LDLRAD4: variants seen among roughly 807,000 people sequenced by gnomAD.
LDLRAD4 encodes low density lipoprotein receptor class A domain containing 4, also known as low-density lipoprotein receptor class A domain-containing protein 4.
Under a neutral mutation model 17.0 loss-of-function variants are expected in LDLRAD4, and 5 were observed. The ratio of observed to expected loss-of-function variants is 0.29; its 90% confidence interval spans 0.15 to 0.62. LDLRAD4 has a LOEUF of 0.62. Among genes scored for constraint, LDLRAD4 ranks in the 20% least tolerant of loss-of-function variants. The pLI is 0.84. For synonymous variants in LDLRAD4, 168 were observed against 171.8 expected (o/e 0.98, Z 0.17); for missense variants, 340 against 424.7 (o/e 0.80, Z 1.75).
chr18:13,289,008 C>G (rs2045813496), intron 1 of LDLRAD4, among the ~76,000 whole-genome samples: 1 of 152,214 alleles, frequency 6.6e-6, no homozygotes, highest in South Asian at 2.1e-4. Flanking sequence ...ATCCAAGCCC[C>G]AAGCCTTCAG....
intron 2 of LDLRAD4, among the ~76,000 whole-genome samples, chr18:13,397,219 C>T (rs1412248327): frequency 6.6e-6 from 1 of 152,156 alleles, no homozygotes; most frequent in Non-Finnish European, 1.5e-5. Flanking sequence ...TCTCAGCTCA[C>T]TGCAAGCTCC....
At chr18:13,227,616 A>C (rs1242255328) in intron 1 of LDLRAD4, among the ~76,000 whole-genome samples, 1 of 152,186 alleles carries the variant, frequency 6.6e-6, no homozygotes, top group East Asian at 1.9e-4. Context: ...TTTATAAAGG[A>C]AAGAGGTTTA....
intron 1 of LDLRAD4, among the ~76,000 whole-genome samples, chr18:13,283,213 T>C (rs2045391712): frequency 6.6e-6 from 1 of 152,226 alleles, no homozygotes; most frequent in Non-Finnish European, 1.5e-5. Context: ...TCTTGGAGAT[T>C]AACATTAGGC....
Position 13,440,774 on chromosome 18 carries a change from G to A in LDLRAD4, c.181+2390G>A, listed in dbSNP as rs1183655714. On this transcript the variant is annotated intron_variant, in intron 3 of 5. Transcript: ENST00000359446. This position sits in a 1 kb window ranked among gnomAD's most constrained non-coding sequence, Gnocchi z 4.4. ...TGCAGTTGCCATCTCCACTCCCCAC[G>A]TGGCCCTTCCTGGGGAGTGCACTGC... Among the ~76,000 whole-genome samples the A allele has an allele frequency of 3.3e-5, 5 of 152,178 alleles. No homozygotes were observed. The highest frequency in any genetic ancestry group is 2.0e-4 in the Admixed American group (3 of 15,282).
intron 2 of LDLRAD4, among the ~76,000 whole-genome samples, chr18:13,388,832 G>A (rs1425052124): frequency 1.5e-4 from 23 of 152,222 alleles, no homozygotes; most frequent in Non-Finnish European, 1.2e-4. Flanking sequence ...GCTTCCGTGC[G>A]CACCTGCAGG....
chr18:13,277,216 G>C (rs189589823), upstream of LDLRAD4, among the ~76,000 whole-genome samples: 57 of 152,256 alleles, frequency 3.7e-4, no homozygotes, highest in African/African-American at 1.3e-3. Flanking sequence ...TTTGGGGTAC[G>C]AGCCTCCTGG....
chr18:13,238,622 G>A (rs28562780), intron 1 of LDLRAD4, among the ~76,000 whole-genome samples: 21 of 152,318 alleles, frequency 1.4e-4, no homozygotes, highest in African/African-American at 5.1e-4. Flanking sequence ...AGAGGGCGTG[G>A]ACTGCAGAGT....
At chr18:13,515,981 T>C (rs1300667919) in intron 3 of LDLRAD4, 4 of 152,030 alleles carry the variant, frequency 2.6e-5, no homozygotes, top group African/African-American at 7.3e-5. Context: ...CTTGGCTAAT[T>C]AAAAATTTTT....
chr18:13,421,925 C>CT (rs2089499849), intron 2 of LDLRAD4, among the ~76,000 whole-genome samples: 1 of 152,240 alleles, frequency 6.6e-6, no homozygotes, highest in South Asian at 2.1e-4. Context: ...CGTGCCTATG[C>CT]TGCAGTCACT....
intron 3 of LDLRAD4, among the ~76,000 whole-genome samples, chr18:13,498,791 C>G (rs1039790927): frequency 6.9e-6 from 1 of 145,254 alleles, no homozygotes; most frequent in Non-Finnish European, 1.5e-5. Context: ...ATCCTTCTCC[C>G]CACACACGTC....
intron 1 of LDLRAD4, among the ~76,000 whole-genome samples, chr18:13,266,297 C>T (rs2044212369): frequency 6.6e-6 from 1 of 152,198 alleles, no homozygotes; most frequent in South Asian, 2.1e-4. Flanking sequence ...GCCCTCCAGC[C>T]CTGCATTCAC....
At chr18:13,593,629 G>T (rs1283035111) in intron 3 of LDLRAD4, among the ~76,000 whole-genome samples, 3 of 152,078 alleles carry the variant, frequency 2.0e-5, no homozygotes, top group African/African-American at 4.8e-5. Flanking sequence ...TGTCTATCTA[G>T]CTAGCTAGCT....
chr18:13,484,054 C>T (rs2093160588), intron 3 of LDLRAD4: 2 of 152,312 alleles, frequency 1.3e-5, no homozygotes, highest in Non-Finnish European at 2.9e-5. Flanking sequence ...GCAAAAGCCC[C>T]TTGCCATCCC....
At chr18:13,369,848 C>T (rs916596350) in intron 1 of LDLRAD4, among the ~76,000 whole-genome samples, 12 of 152,200 alleles carry the variant, frequency 7.9e-5, no homozygotes, top group African/African-American at 2.9e-4. Flanking sequence ...ACAGATGCCT[C>T]CTCCCATGCC....
At chr18:13,267,158 G>A (rs1256370345) in intron 1 of LDLRAD4, among the ~76,000 whole-genome samples, 1 of 152,154 alleles carries the variant, frequency 6.6e-6, no homozygotes, top group Non-Finnish European at 1.5e-5. Flanking sequence ...CACTTGTAAG[G>A]GCCAAATAAT....
chr18:13,634,566 A>C (rs1474058056), intron 4 of LDLRAD4, among the ~76,000 whole-genome samples: 1 of 152,226 alleles, frequency 6.6e-6, no homozygotes, highest in Non-Finnish European at 1.5e-5. Flanking sequence ...GAAATGGAAG[A>C]AAATACAAAT....
chr18:13,230,286 A>T (rs1418083978), intron 1 of LDLRAD4, among the ~76,000 whole-genome samples: 2 of 152,150 alleles, frequency 1.3e-5, no homozygotes, highest in Admixed American at 1.3e-4. Context: ...AAATGACCCC[A>T]TTGAAGGTAT....
chr18:13,455,340 A>G (rs1290307164), intron 3 of LDLRAD4, among the ~76,000 whole-genome samples: 1 of 152,260 alleles, frequency 6.6e-6, no homozygotes, highest in East Asian at 1.9e-4. Flanking sequence ...TTAAATGTTG[A>G]CAAAACGTGA....
Position 13,223,311 on chromosome 18 carries a change from G to T in LDLRAD4, c.-467+4323G>T, listed in dbSNP as rs75175085. On this transcript the variant is annotated intron_variant, in intron 1 of 5. Coordinates refer to the LDLRAD4 transcript ENST00000399848. ...TCCTGAAAGTAGGCCTTGAGAGAAAGAAATTCTTCCCACTCACACTGGCTA... is the reference window on the plus strand; with the variant it reads ...TCCTGAAAGTAGGCCTTGAGAGAAATAAATTCTTCCCACTCACACTGGCTA... 8.2e-3 allele frequency among the ~76,000 whole-genome samples: 1,252 copies of T among 152,328 alleles called. 17 individuals carry two copies. The highest frequency in any genetic ancestry group is 0.029 in the African/African-American group (1,187 of 41,578).
Sources: gnomAD v4.1 joint callset for allele counts (sites outside exome capture counted in the v4.1 genomes callset) on GRCh38, gnomAD v4.1.1 for gene constraint, Gnocchi (gnomAD v3.1) non-coding constraint, MANE v1.5 for transcripts, NCBI Gene and HGNC (gene_info 2026-07-23, HGNC 2026-07-21) for gene names.